The following COL11A1 variants were observed in gnomAD, a reference collection of about 807,000 sequenced individuals.
COL11A1 encodes the protein collagen type XI alpha 1 chain.
A neutral mutation model predicts 265.2 loss-of-function variants in COL11A1; 74 were observed. The observed-to-expected ratio is 0.28, with a 90% CI of 0.23 to 0.34. The LOEUF is 0.34. Among genes scored for constraint, COL11A1 ranks in the 10% least tolerant of loss-of-function variants. The pLI is 1.00. For missense variants in COL11A1, 2,165 were observed against 2,263.6 expected (o/e 0.96, Z 0.88); for synonymous variants, 816 against 727.6 (o/e 1.12, Z -1.96).
chr1:103,034,225 A>G (rs34762213), intron 4 of COL11A1, among the ~76,000 whole-genome samples: 12,277 of 152,100 alleles, frequency 0.081, 554 homozygotes, highest in Middle Eastern at 0.16. Context: ...AGTCTTGACC[A>G]TGTAGATTAA....
At chr1:102,914,914 ATTT>A in intron 50 of COL11A1, 103 bp from the exon 51 acceptor site, 2 of 839,620 alleles carry the variant, frequency 2.4e-6, no homozygotes, top group Non-Finnish European at 3.6e-6. Context: ...GCCAGAATAT[ATTT>A]TTTTTTTAGA....
intron 28 of COL11A1, among the ~76,000 whole-genome samples, chr1:102,995,240 T>G (rs542835795): frequency 1.3e-5 from 2 of 152,240 alleles, no homozygotes; most frequent in South Asian, 4.1e-4. Flanking sequence ...TTGAAAAAAA[T>G]CTGAATGTCA....
rs747252775 is a variant in COL11A1 at position 103,012,498 on chromosome 1, A to C, written c.1573-29T>G. 21 of 1,565,640 alleles carry C rather than the reference A, an allele frequency of 1.3e-5. No homozygotes were observed. The South Asian group carries it at 2.3e-4, about 17-fold the overall frequency. On this transcript the variant is annotated intron_variant, in intron 13 of 66. Coordinates refer to ENST00000370096, the MANE Select transcript of COL11A1 (RefSeq NM_001854.4). Reference sequence around the variant, plus strand: ...GAAAACAAAATATATCAAATTCAGTAATATTCTCCTGGAAGAGCACATTAA... The same window carrying C: ...GAAAACAAAATATATCAAATTCAGTCATATTCTCCTGGAAGAGCACATTAA...
intron 1 of COL11A1, among the ~76,000 whole-genome samples, chr1:103,092,985 A>C (rs114260877): frequency 0.012 from 1,856 of 152,194 alleles, 42 homozygotes; most frequent in African/African-American, 0.043. Context: ...AACAAACAAA[A>C]AAAAACAGAA....
chr1:102,971,757 C>A (rs1017243661), intron 36 of COL11A1, among the ~76,000 whole-genome samples: 5 of 151,848 alleles, frequency 3.3e-5, no homozygotes, highest in African/African-American at 9.7e-5. Context: ...ATCCTGGGTG[C>A]CCTGTAAATT....
chr1:102,934,688 A>ATG (rs1349472921), intron 45 of COL11A1, 132 bp from the exon 46 acceptor site: 1 of 737,650 alleles, frequency 1.4e-6, no homozygotes, highest in African/African-American at 1.8e-5. Flanking sequence ...AGTAGACTGA[A>ATG]TGCCCATTAT....
At chr1:102,884,158 C>T (rs144017196) in intron 63 of COL11A1, among the ~76,000 whole-genome samples, 178 of 152,288 alleles carry the variant, frequency 1.2e-3, no homozygotes, top group African/African-American at 4.2e-3. Flanking sequence ...TTTTCTCTGA[C>T]CTCTGCCCTC....
rs35368333 is a variant in COL11A1 at position 103,037,023 on chromosome 1, A to AT, written c.652-5780dup. ...ACATGCATTGCAAAAGGATCTCACTATTTTTTTTATCAAAATCAAATTATA... is the reference window on the plus strand; with the variant it reads ...ACATGCATTGCAAAAGGATCTCACTATTTTTTTTTATCAAAATCAAATTATA... On this transcript the variant is annotated intron_variant, in intron 4 of 66. Coordinates refer to ENST00000370096, the MANE Select transcript of COL11A1 (RefSeq NM_001854.4). 4.6e-5 allele frequency among the ~76,000 whole-genome samples: 7 copies of AT among 151,480 alleles called. No individual in the cohort carries two copies. The East Asian group carries it at 1.2e-3, about 25-fold the overall frequency.
intron 23 of COL11A1, 93 bp downstream of exon 23, chr1:103,002,335 C>T (rs1570996594): frequency 5.5e-6 from 6 of 1,094,200 alleles, no homozygotes; most frequent in Admixed American, 4.0e-5. Flanking sequence ...ATTGCTAGGA[C>T]TACATAGAAA....
At chr1:102,962,135 A>G (rs1557876151) in intron 40 of COL11A1, 41 bp downstream of exon 40, 3 of 1,499,982 alleles carry the variant, frequency 2.0e-6, no homozygotes, top group African/African-American at 1.4e-5. Flanking sequence ...CTAATAAACA[A>G]TTGGAATCAC....
intron 49 of COL11A1, among the ~76,000 whole-genome samples, chr1:102,916,530 C>T (rs1557816383): frequency 1.3e-5 from 2 of 151,984 alleles, no homozygotes; most frequent in South Asian, 2.1e-4. Context: ...AGAAGTGAGG[C>T]CTAAATTTCC....
At chr1:102,999,650 T>C (rs986901793) in intron 24 of COL11A1, among the ~76,000 whole-genome samples, 2 of 151,826 alleles carry the variant, frequency 1.3e-5, no homozygotes, top group Non-Finnish European at 2.9e-5. Flanking sequence ...TTACCAAAAA[T>C]AAAAGCACAG....
At chr1:102,982,659 T>C (rs1663149399) in intron 31 of COL11A1, among the ~76,000 whole-genome samples, 1 of 152,092 alleles carries the variant, frequency 6.6e-6, no homozygotes, top group African/African-American at 2.4e-5. Context: ...AATCTTATTT[T>C]AGAAGGGTTC....
chr1:102,941,155 C>T (rs1372104254), intron 42 of COL11A1, among the ~76,000 whole-genome samples: 3 of 151,996 alleles, frequency 2.0e-5, no homozygotes, highest in African/African-American at 2.4e-5. Context: ...CTTTTCATTA[C>T]CCCACTTTCC....
At chr1:103,019,267 A>G (rs1666804274) in intron 9 of COL11A1, among the ~76,000 whole-genome samples, 1 of 152,160 alleles carries the variant, frequency 6.6e-6, no homozygotes, top group East Asian at 1.9e-4. Flanking sequence ...GAAAGAATGG[A>G]AAATAAGCAC....
At chr1:103,079,816 T>C (rs1315938235) in intron 2 of COL11A1, among the ~76,000 whole-genome samples, 1 of 151,934 alleles carries the variant, frequency 6.6e-6, no homozygotes, top group African/African-American at 2.4e-5. Flanking sequence ...ATATCTAGCC[T>C]AATATCAAGG....
intron 41 of COL11A1, 36 bp from the exon 42 acceptor site, chr1:102,946,992 G>T (rs761908000): frequency 2.7e-6 from 4 of 1,505,704 alleles, no homozygotes. Context: ...TGTTATTAAA[G>T]AAAGTAATAC....
chr1:102,957,685 C>G (rs956080558), intron 41 of COL11A1, among the ~76,000 whole-genome samples: 2 of 151,968 alleles, frequency 1.3e-5, no homozygotes, highest in Non-Finnish European at 2.9e-5. Flanking sequence ...TCTTCTCACT[C>G]TCTTTTGACA....
In COL11A1 at chr1:103,015,722, G is replaced by T; in HGVS notation, c.1434C>A (p.Gly478=). Residue 478 remains glycine (G), a synonymous_variant, in exon 12 of 67, where the codon GGC becomes GGA. Coordinates refer to ENST00000370096, the MANE Select transcript of COL11A1 (RefSeq NM_001854.4). ...CAGGTAGACCATCAGCCCCTGGTAAGCCAGGACGTCCTGGGGGGCCCTAGA... is the reference window on the plus strand; with the variant it reads ...CAGGTAGACCATCAGCCCCTGGTAATCCAGGACGTCCTGGGGGGCCCTAGA... The part of the protein sequence containing the change: ...PGDRGPPGRP[G]LPGADGLPGP... 1.2e-6 allele frequency: 2 copies of T among 1,607,510 alleles called. No homozygotes were observed. The highest frequency in any genetic ancestry group is 1.7e-6 in the Non-Finnish European group (2 of 1,176,382).
Sources: gnomAD v4.1 joint callset for allele counts (sites outside exome capture counted in the v4.1 genomes callset) on GRCh38, gnomAD v4.1.1 for gene constraint, MANE v1.5 for transcripts, NCBI Gene and HGNC (gene_info 2026-07-23, HGNC 2026-07-21) for gene names.